KHDRBS2: variants seen among roughly 807,000 people sequenced by gnomAD.
KHDRBS2 encodes KH RNA binding domain containing, signal transduction associated 2, also known as KH domain-containing, RNA-binding, signal transduction-associated protein 2.
A neutral mutation model predicts 44.3 loss-of-function variants in KHDRBS2; 26 were observed. The observed-to-expected ratio is 0.59, with a 90% CI of 0.43 to 0.81. The LOEUF is 0.81. KHDRBS2 is among the 40% of genes least tolerant of loss of function. The pLI is 0.00. For missense variants in KHDRBS2, 476 were observed against 433.1 expected, an observed-to-expected ratio of 1.10 and a Z score of -0.88; for synonymous variants, 194 against 151.1, an observed-to-expected ratio of 1.28 and a Z score of -2.08.
the KHDRBS2 span, among the ~76,000 whole-genome samples, chr6:61,667,657 T>G: frequency 6.6e-6 from 1 of 150,404 alleles, no homozygotes; most frequent in East Asian, 2.0e-4. Context: ...ATGTCATTTT[T>G]CCTTATGTGA....
At chr6:61,665,348 G>T in the KHDRBS2 span, among the ~76,000 whole-genome samples, 16 of 151,328 alleles carry the variant, frequency 1.1e-4, no homozygotes, top group African/African-American at 3.6e-4. Flanking sequence ...CAATGTAAGG[G>T]TATATTTTTA....
intron 7 of KHDRBS2, among the ~76,000 whole-genome samples, chr6:61,731,214 A>G (rs1774381163): frequency 6.6e-6 from 1 of 152,102 alleles, no homozygotes; most frequent in African/African-American, 2.4e-5. Flanking sequence ...CAATTTGCAT[A>G]TAATACTCGG....
At chr6:61,891,749 C>T (rs1174913652) in intron 6 of KHDRBS2, among the ~76,000 whole-genome samples, 1 of 152,156 alleles carries the variant, frequency 6.6e-6, no homozygotes, top group Non-Finnish European at 1.5e-5. Flanking sequence ...TGGGATATAT[C>T]TCAAAATAAT....
At chr6:61,646,036 C>T in the KHDRBS2 span, among the ~76,000 whole-genome samples, 1 of 152,126 alleles carries the variant, frequency 6.6e-6, no homozygotes, top group Non-Finnish European at 1.5e-5. Flanking sequence ...CTCTGAGTCT[C>T]AGTCCTTTTA....
At chr6:62,040,217 A>G (rs1331657038) in intron 3 of KHDRBS2, among the ~76,000 whole-genome samples, 2 of 152,014 alleles carry the variant, frequency 1.3e-5, no homozygotes, top group African/African-American at 4.8e-5. Flanking sequence ...ACAAAACTAA[A>G]CTAAAAACAA....
At chr6:62,208,766 T>C (rs1828492550) in intron 1 of KHDRBS2, among the ~76,000 whole-genome samples, 1 of 152,222 alleles carries the variant, frequency 6.6e-6, no homozygotes, top group South Asian at 2.1e-4. Context: ...ATTTTTATAA[T>C]AGCCATCCTA....
chr6:61,590,559 A>G, the KHDRBS2 span, among the ~76,000 whole-genome samples: 1 of 152,232 alleles, frequency 6.6e-6, no homozygotes, highest in African/African-American at 2.4e-5. Flanking sequence ...GAAGATATAA[A>G]TTAAATAATC....
At chr6:61,951,788 C>T (rs186278371) in intron 4 of KHDRBS2, among the ~76,000 whole-genome samples, 3 of 152,164 alleles carry the variant, frequency 2.0e-5, no homozygotes. Flanking sequence ...AATTTAACCT[C>T]AAGTGACATC....
At chr6:61,898,706 T>C (rs886757306) in intron 5 of KHDRBS2, among the ~76,000 whole-genome samples, 1 of 151,982 alleles carries the variant, frequency 6.6e-6, no homozygotes, top group Non-Finnish European at 1.5e-5. Flanking sequence ...AGAGCTTTTC[T>C]GCTTATTCAT....
Position 62,177,291 on chromosome 6 carries a change from G to C in KHDRBS2, c.113C>G (p.Ser38Cys). The change falls in exon 2 of 9, where the codon TCT becomes TGT. Residue 38 changes from serine to cysteine, a missense_variant. Physicochemically the swap from Ser to Cys is moderately radical, Grantham distance 112. Coordinates refer to ENST00000281156, the MANE Select transcript of KHDRBS2 (RefSeq NM_152688.4). The part of the protein sequence containing the change: ...LAEEIEKFQG[S>C]DGKKEDEEKK... ...TTCTTCGTCTTCCTTTTTTCCATCAGAACCTTGAAACTTTTCAATTTCTGG... is the reference window on the plus strand; with the variant it reads ...TTCTTCGTCTTCCTTTTTTCCATCACAACCTTGAAACTTTTCAATTTCTGG... 6.3e-7 allele frequency: 1 copy of C among 1,597,410 alleles called. No homozygotes were observed.
chr6:62,239,771 C>G (rs1165681299), intron 1 of KHDRBS2, among the ~76,000 whole-genome samples: 1 of 151,894 alleles, frequency 6.6e-6, no homozygotes, highest in Non-Finnish European at 1.5e-5. Flanking sequence ...CTGCAACTTC[C>G]ACGTCCCAGG....
At position 61,901,254 on chromosome 6, in the gene KHDRBS2, C is replaced by T. The variant is rs772156700; in HGVS notation, c.601G>A (p.Ala201Thr). 2 of 1,612,558 alleles carry T rather than the reference C, an allele frequency of 1.2e-6. No individual in the cohort carries two copies. Among genetic ancestry groups the T allele is most frequent in the South Asian group, 1.1e-5 (1 of 90,768 alleles). ...TAAGAATGAATGTACCTTGAAGGAG[C>T]TGTGGGAGCTATTCTGATCCCTCTG... is the stretch of plus-strand genomic sequence containing the variant. ...RGRGIRIAPT[A>T]PSRGRGGAIP... The change falls in exon 5 of 9, where the codon GCT becomes ACT. Residue 201 changes from alanine (A) to threonine (T), a missense_variant. By Grantham distance (58) the Ala-to-Thr change is moderately conservative (BLOSUM62 0). Coordinates refer to ENST00000281156, the MANE Select transcript of KHDRBS2 (RefSeq NM_152688.4).
At chr6:62,133,038 C>G (rs187520689) in intron 2 of KHDRBS2, among the ~76,000 whole-genome samples, 29 of 152,258 alleles carry the variant, frequency 1.9e-4, no homozygotes, top group Admixed American at 1.8e-3. Flanking sequence ...TGTCATAACA[C>G]AAAGCAGCCA....
chr6:62,168,479 T>C (rs907193917), intron 2 of KHDRBS2, among the ~76,000 whole-genome samples: 9 of 152,150 alleles, frequency 5.9e-5, no homozygotes, highest in African/African-American at 1.9e-4. Context: ...AGTCCTCTAA[T>C]GGTCTCTCGG....
rs115088243 is a variant in KHDRBS2 at position 62,209,914 on chromosome 6, G to C, written c.92-32602C>G. ...TCAAGCCTTTGACCACACACTGAAG[G>C]CTGCACTATTGGCTTCCCTACTTTT... is the stretch of plus-strand genomic sequence containing the variant. On this transcript the variant is annotated intron_variant, in intron 1 of 8. Coordinates refer to ENST00000281156, the MANE Select transcript of KHDRBS2 (RefSeq NM_152688.4). 4.9e-3 allele frequency among the ~76,000 whole-genome samples: 742 copies of C among 152,270 alleles called. 6 individuals are homozygous for C. The highest frequency in any genetic ancestry group is 0.016 in the African/African-American group (683 of 41,540).
chr6:61,604,699 T>C, the KHDRBS2 span, among the ~76,000 whole-genome samples: 1 of 152,318 alleles, frequency 6.6e-6, no homozygotes, highest in East Asian at 1.9e-4. Context: ...CACATCAAGC[T>C]TGGGGATTTG....
At chr6:62,184,239 C>T (rs1431426537) in intron 1 of KHDRBS2, among the ~76,000 whole-genome samples, 4 of 151,524 alleles carry the variant, frequency 2.6e-5, no homozygotes, top group South Asian at 2.1e-4. Flanking sequence ...AAATAGACTA[C>T]AATTGTCATG....
At chr6:62,220,122 G>A (rs1489169855) in intron 1 of KHDRBS2, among the ~76,000 whole-genome samples, 1 of 151,516 alleles carries the variant, frequency 6.6e-6, no homozygotes, top group Non-Finnish European at 1.5e-5. Context: ...TAAGCCAGAA[G>A]CAATTGAATG....
chr6:61,594,355 T>A, the KHDRBS2 span, among the ~76,000 whole-genome samples: 1 of 152,142 alleles, frequency 6.6e-6, no homozygotes, highest in Non-Finnish European at 1.5e-5. Context: ...GTTTTCTAAT[T>A]GGAGTTTTCA....
Sources: gnomAD v4.1 joint callset for allele counts (sites outside exome capture counted in the v4.1 genomes callset) on GRCh38, gnomAD v4.1.1 for gene constraint, MANE v1.5 for transcripts, NCBI Gene and HGNC (gene_info 2026-07-23, HGNC 2026-07-21) for gene names.